The following TANC2 variants were observed in gnomAD, a reference collection of about 807,000 sequenced individuals.
TANC2 encodes protein TANC2.
Under a neutral mutation model 210.5 loss-of-function variants are expected in TANC2, and 26 were observed. That is an observed-to-expected ratio of 0.12 (90% CI 0.09 to 0.17). The LOEUF (loss-of-function observed/expected upper bound fraction) is 0.17, where lower values mean the gene tolerates loss of function less well. Ranked by LOEUF, TANC2 falls within the 10% of genes least tolerant of loss-of-function variation. TANC2 has a pLI of 1.00. For missense variants in TANC2, 2,129 were observed against 2,608.9 expected (o/e 0.82, Z 4.01); for synonymous variants, 931 against 967.1 (o/e 0.96, Z 0.69).
chr17:63,119,255 G>A (rs1241371182), intron 4 of TANC2, among the ~76,000 whole-genome samples: 1 of 152,132 alleles, frequency 6.6e-6, no homozygotes, highest in Non-Finnish European at 1.5e-5. Context: ...ACTTTATTTG[G>A]AAAATATATA....
chr17:63,050,548 G>C (rs2035547499), intron 2 of TANC2, among the ~76,000 whole-genome samples: 1 of 152,104 alleles, frequency 6.6e-6, no homozygotes, highest in Non-Finnish European at 1.5e-5. Flanking sequence ...TAAAAAGTGA[G>C]CCCTGGGGCA....
chr17:63,416,130 G>A (rs751827001), intron 26 of TANC2, among the ~76,000 whole-genome samples: 8 of 152,110 alleles, frequency 5.3e-5, no homozygotes, highest in South Asian at 2.1e-4. Flanking sequence ...TGAGGCTATC[G>A]AACTTTTCGC....
chr17:63,186,842 A>G (rs988583680), intron 5 of TANC2, among the ~76,000 whole-genome samples: 1 of 152,242 alleles, frequency 6.6e-6, no homozygotes, highest in Non-Finnish European at 1.5e-5. Context: ...TTTAATCAGC[A>G]TAATGCATGA....
intron 12 of TANC2, among the ~76,000 whole-genome samples, chr17:63,343,710 C>T (rs2046311983): frequency 6.6e-6 from 1 of 152,022 alleles, no homozygotes; most frequent in African/African-American, 2.4e-5. Flanking sequence ...TCAAAACCAG[C>T]CTGGGCAACA....
chr17:63,287,685 TA>T (rs1361441659), intron 9 of TANC2, among the ~76,000 whole-genome samples: 159 of 97,718 alleles, frequency 1.6e-3, no homozygotes, highest in African/African-American at 0.011. Flanking sequence ...GTCCTGTATA[TA>T]TTTTTTTTTT....
At chr17:63,143,996 GAAA>G (rs963821324) in intron 4 of TANC2, among the ~76,000 whole-genome samples, 1 of 151,862 alleles carries the variant, frequency 6.6e-6, no homozygotes, top group Non-Finnish European at 1.5e-5. Context: ...TTAAAAAAAA[GAAA>G]AAATTCTAGA....
rs1359608008 is a variant in TANC2, at chr17:63,087,848, C to CA, written c.140-11326dup. On this transcript the variant is annotated intron_variant, in intron 3 of 27. Transcript: ENST00000689528. ...TGTGCGTTTCTGCATTCTCTATAGT[C>CA]ACCTGTCTCTCTCCAACTTTGGCAC... Among the ~76,000 whole-genome samples the CA allele has an allele frequency of 2.6e-5, 4 of 152,322 alleles. No individual in the cohort carries two copies. The East Asian group carries it at 7.7e-4, about 29-fold the overall frequency.
At chr17:63,347,690 A>G (rs928486859) in intron 12 of TANC2, among the ~76,000 whole-genome samples, 9 of 152,204 alleles carry the variant, frequency 5.9e-5, no homozygotes, top group African/African-American at 1.7e-4. Flanking sequence ...ATGCTCATAT[A>G]AAACAAATGA....
chr17:63,070,585 G>A (rs752021489), intron 2 of TANC2, among the ~76,000 whole-genome samples: 1 of 152,044 alleles, frequency 6.6e-6, no homozygotes, highest in Non-Finnish European at 1.5e-5. Context: ...TAGATCAGGG[G>A]TCATTTCCCA....
chr17:63,351,208 C>G, intron 12 of TANC2, 42 bp from the exon 13 acceptor site: 17 of 1,514,024 alleles, frequency 1.1e-5, no homozygotes, highest in Non-Finnish European at 1.5e-5. Context: ...ACTCATTTAT[C>G]CACTTGGTAA....
At chr17:62,998,117 A>G (rs9911040) in intron 1 of TANC2, among the ~76,000 whole-genome samples, 6,358 of 152,266 alleles carry the variant, frequency 0.042, 457 homozygotes, top group African/African-American at 0.14. Context: ...CAATAATTTC[A>G]TAATACAATT....
In TANC2 at chr17:63,420,649, C is replaced by G; in HGVS notation, c.4919C>G (p.Ser1640Cys). The stretch of plus-strand genomic sequence containing the variant: ...GCTGAAAGTATGAGTGTCTATAGAT[C>G]CCAGTCTGGTTCACCCGTGCGCTAT... The change falls in exon 28 of 28, where the codon TCC becomes TGC. Residue 1640 changes from serine (S) to cysteine (C), a missense_variant. By Grantham distance (112) the Ser-to-Cys change is moderately radical. Transcript: ENST00000689528. This position sits in a 1 kb window ranked among gnomAD's most constrained non-coding sequence, Gnocchi z 4.2. The G allele has an allele frequency of 6.2e-7, 1 of 1,613,780 alleles. No homozygotes were observed. Among genetic ancestry groups the G allele is most frequent in the Non-Finnish European group, 8.5e-7 (1 of 1,179,782 alleles).
At chr17:63,338,470 T>C (rs895461004) in intron 11 of TANC2, among the ~76,000 whole-genome samples, 2 of 152,224 alleles carry the variant, frequency 1.3e-5, no homozygotes, top group Admixed American at 1.3e-4. Flanking sequence ...GTGGAATCAA[T>C]TGAAGTGAAA....
intron 19 of TANC2, among the ~76,000 whole-genome samples, chr17:63,400,537 A>G (rs954428389): frequency 1.3e-5 from 2 of 152,136 alleles, no homozygotes; most frequent in African/African-American, 4.8e-5. Context: ...TTGTAATCAG[A>G]ATTGTGTTGT....
At chr17:63,142,174 C>T (rs187317041) in intron 4 of TANC2, among the ~76,000 whole-genome samples, 55 of 152,274 alleles carry the variant, frequency 3.6e-4, no homozygotes, top group African/African-American at 1.2e-3. Flanking sequence ...TAAAGGAGTG[C>T]TATTATTTCT....
intron 9 of TANC2, among the ~76,000 whole-genome samples, chr17:63,277,231 A>G (rs185513971): frequency 4.0e-4 from 60 of 149,648 alleles, no homozygotes; most frequent in African/African-American, 1.4e-3. Context: ...TCCATTCTCA[A>G]TATTGCTAAT....
chr17:62,971,342 C>G (rs241067), intron 1 of TANC2, among the ~76,000 whole-genome samples: 8,669 of 152,166 alleles, frequency 0.057, 368 homozygotes, highest in African/African-American at 0.12. Flanking sequence ...TTTCTTTTCT[C>G]TTTTCAAGAC....
Position 63,216,755 on chromosome 17 carries a change from T to C in TANC2, c.769+15798T>C, listed in dbSNP as rs2042037666. Among the ~76,000 whole-genome samples the C allele has an allele frequency of 2.0e-5, 3 of 152,146 alleles. No homozygotes were observed. In the South Asian group the frequency reaches 6.2e-4, roughly 32 times the overall value. On this transcript the variant is annotated intron_variant, in intron 7 of 27. Coordinates refer to ENST00000689528, the Ensembl canonical transcript of TANC2. The stretch of plus-strand genomic sequence containing the variant: ...ATCAGAAGTGTTGTGAGTAAAAATA[T>C]TTCAGTGGTCCACCCAAAAACAGCA...
At chr17:63,353,042 A>T (rs2046665614) in intron 13 of TANC2, among the ~76,000 whole-genome samples, 1 of 152,154 alleles carries the variant, frequency 6.6e-6, no homozygotes. Flanking sequence ...TATATAGGAA[A>T]GGCCTCTCGT....
Sources: allele counts gnomAD v4.1 joint callset (sites outside exome capture counted in the v4.1 genomes callset), GRCh38; gene constraint gnomAD v4.1.1; non-coding constraint Gnocchi (gnomAD v3.1); transcripts MANE v1.5; gene names NCBI Gene and HGNC (gene_info 2026-07-23, HGNC 2026-07-21).